GPHN: variants seen among roughly 807,000 people sequenced by gnomAD.
The protein encoded by GPHN is gephyrin.
GPHN carries 17 observed loss-of-function variants against 95.5 expected under a neutral mutation model. The observed-to-expected ratio is 0.18, with a 90% CI of 0.12 to 0.27. The LOEUF is 0.27. GPHN is among the 10% of genes least tolerant of loss of function. GPHN has a pLI of 1.00. For missense variants in GPHN, 660 were observed against 978.1 expected (o/e 0.67, Z 4.34); for synonymous variants, 320 against 322.5 (o/e 0.99, Z 0.08).
intron 4 of GPHN, among the ~76,000 whole-genome samples, chr14:66,875,716 A>G (rs1404173373): frequency 6.6e-6 from 1 of 152,174 alleles, no homozygotes; most frequent in Non-Finnish European, 1.5e-5. Flanking sequence ...ACCTAAATAT[A>G]TATGCACCCA....
the GPHN span, among the ~76,000 whole-genome samples, chr14:67,410,413 A>C: frequency 4.6e-5 from 7 of 152,214 alleles, no homozygotes; most frequent in South Asian, 1.5e-3. Flanking sequence ...CCCAAGCCGC[A>C]GTTAAATGTG....
chr14:67,702,423 T>TTTTTA, the GPHN span, among the ~76,000 whole-genome samples: 4 of 152,140 alleles, frequency 2.6e-5, no homozygotes, highest in Non-Finnish European at 5.9e-5. Flanking sequence ...CAATATTAAA[T>TTTTTA]TAGTCTTACT....
chr14:66,551,475 A>G (rs1368510773), intron 1 of GPHN, among the ~76,000 whole-genome samples: 1 of 152,094 alleles, frequency 6.6e-6, no homozygotes, highest in East Asian at 1.9e-4. Context: ...CCTTTCCTAT[A>G]CTTGATACTG....
chr14:66,994,893 A>T (rs550551384), intron 9 of GPHN, among the ~76,000 whole-genome samples: 35 of 152,298 alleles, frequency 2.3e-4, no homozygotes, highest in Non-Finnish European at 2.9e-5. Context: ...GCATTATTTC[A>T]TCAGTTCAGT....
the GPHN span, among the ~76,000 whole-genome samples, chr14:67,595,085 C>T: frequency 5.3e-5 from 8 of 151,846 alleles, no homozygotes; most frequent in South Asian, 2.1e-4. Flanking sequence ...TGCAGTGAGC[C>T]GAGATCGCGC....
intron 19 of GPHN, among the ~76,000 whole-genome samples, chr14:67,162,759 A>G (rs1267484007): frequency 6.6e-6 from 1 of 152,216 alleles, no homozygotes; most frequent in African/African-American, 2.4e-5. Flanking sequence ...AGTAGCCAAA[A>G]TAGATGTCCA....
intron 5 of GPHN, among the ~76,000 whole-genome samples, chr14:66,908,125 A>G (rs2065476317): frequency 6.6e-6 from 1 of 152,092 alleles, no homozygotes; most frequent in Non-Finnish European, 1.5e-5. Flanking sequence ...AAATGATATA[A>G]TTAATGCTGA....
chr14:67,087,746 A>G (rs1255435519), intron 11 of GPHN, among the ~76,000 whole-genome samples: 1 of 152,184 alleles, frequency 6.6e-6, no homozygotes, highest in Non-Finnish European at 1.5e-5. Context: ...AAGAAGGTCA[A>G]AGATAAAAAA....
intron 20 of GPHN, among the ~76,000 whole-genome samples, chr14:67,168,020 A>G (rs769121613): frequency 2.6e-5 from 4 of 152,248 alleles, no homozygotes; most frequent in Non-Finnish European, 5.9e-5. Context: ...ACTTTAAAAG[A>G]ATGTGGTATT....
At chr14:67,112,941 G>T in intron 15 of GPHN, 77 bp from the exon 16 acceptor site, 2 of 1,332,978 alleles carry the variant, frequency 1.5e-6, no homozygotes, top group South Asian at 1.2e-5. Context: ...GTCCTTTTTT[G>T]ACACTAAAGT....
the GPHN span, among the ~76,000 whole-genome samples, chr14:67,708,213 A>T: frequency 9.2e-5 from 14 of 152,174 alleles, no homozygotes; most frequent in African/African-American, 3.4e-4. Flanking sequence ...AGTTTTCTTG[A>T]CTCTGAAAAA....
In GPHN at chr14:67,003,366, T is replaced by G. The variant is rs17103801; in HGVS notation, c.964-20267T>G. On this transcript the variant is annotated intron_variant, in intron 9 of 22. Transcript: ENST00000478722. ...GATATTACACTATTAGTAACTGAAT[T>G]GAGATTTAAATTGACATATATGGAT... is the stretch of plus-strand genomic sequence containing the variant. 9.4e-3 allele frequency among the ~76,000 whole-genome samples: 1,434 copies of G among 151,830 alleles called. 24 individuals are homozygous for G. Among genetic ancestry groups the G allele is most frequent in the African/African-American group, 0.033 (1,355 of 41,528 alleles).
chr14:66,561,264 G>T lies in GPHN; in HGVS notation c.64+52673G>T, dbSNP rs569709464. Among the ~76,000 whole-genome samples, 131 of 152,234 alleles carry T rather than the reference G, an allele frequency of 8.6e-4. 1 individual carries two copies. Among genetic ancestry groups the T allele is most frequent in the Non-Finnish European group, 1.1e-3 (75 of 67,978 alleles). On this transcript the variant is annotated intron_variant, in intron 1 of 22. Transcript: ENST00000478722. ...GATGATGCTGGCCTCATAAAATGAG[G>T]TAGGGAGGATTCCCTCTTTTTCTAT... is the stretch of plus-strand genomic sequence containing the variant.
At chr14:67,626,435 C>T in the GPHN span, among the ~76,000 whole-genome samples, 7 of 152,180 alleles carry the variant, frequency 4.6e-5, no homozygotes, top group African/African-American at 1.7e-4. Context: ...GGCAGATCCT[C>T]AAAGTTAAAT....
intron 1 of GPHN, among the ~76,000 whole-genome samples, chr14:66,651,858 C>T (rs1466647213): frequency 6.6e-6 from 1 of 151,618 alleles, no homozygotes; most frequent in Non-Finnish European, 1.5e-5. Context: ...CATCTAGTTG[C>T]AGGAAAACAA....
At chr14:66,678,188 T>G (rs2066722004) in intron 1 of GPHN, among the ~76,000 whole-genome samples, 1 of 152,192 alleles carries the variant, frequency 6.6e-6, no homozygotes, top group African/African-American at 2.4e-5. Context: ...TTCTATGCCT[T>G]TTCTACACTC....
the GPHN span, among the ~76,000 whole-genome samples, chr14:67,227,122 C>G: frequency 6.9e-3 from 1,046 of 152,272 alleles, 18 homozygotes; most frequent in African/African-American, 0.024. Context: ...TTATACCATA[C>G]TTAAATTTTG....
intron 2 of GPHN, among the ~76,000 whole-genome samples, chr14:66,761,878 T>C (rs1429864046): frequency 6.6e-6 from 1 of 152,100 alleles, no homozygotes; most frequent in Non-Finnish European, 1.5e-5. Context: ...GCCAGGATGG[T>C]CTTGATCTCC....
At chr14:66,714,236 T>C (rs568421346) in intron 2 of GPHN, among the ~76,000 whole-genome samples, 1 of 152,200 alleles carries the variant, frequency 6.6e-6, no homozygotes, top group Admixed American at 6.5e-5. Flanking sequence ...CCTAAGTATT[T>C]TATTTTATTT....
Sources: allele counts gnomAD v4.1 joint callset (sites outside exome capture counted in the v4.1 genomes callset), GRCh38; gene constraint gnomAD v4.1.1; transcripts MANE v1.5; gene names NCBI Gene and HGNC (gene_info 2026-07-23, HGNC 2026-07-21).